Variants in RFTN2 observed in about 807,000 individuals in gnomAD.
The protein encoded by RFTN2 is raftlin family member 2, also known as raftlin-2.
In RFTN2, 34 loss-of-function variants were observed where a neutral mutation model predicts 52.7. The ratio of observed to expected loss-of-function variants is 0.64; its 90% confidence interval spans 0.49 to 0.86. RFTN2 has a LOEUF of 0.86. RFTN2 is among the 40% of genes least tolerant of loss of function. The pLI is 0.00. For missense variants in RFTN2, 536 were observed against 600.1 expected (o/e 0.89, Z 1.12); for synonymous variants, 203 against 217.7 (o/e 0.93, Z 0.59).
Position 197,646,514 on chromosome 2 carries a change from A to G in RFTN2, c.292T>C (p.Tyr98His), listed in dbSNP as rs368848558. Residue 98 changes from tyrosine to histidine, a missense_variant, in exon 2 of 9, where the codon TAC becomes CAC. Transcript: ENST00000295049. ...TTCAAGCGCAATAGCACCACTCTGT[A>G]TAGGTAACTTGCAGGTAGGTGTTTT... ...QRKHLPASYL[Y>H]RVVLLRLKLS... is the part of the protein sequence containing the mutation. The G allele has an allele frequency of 4.3e-6, 7 of 1,614,002 alleles. No individual in the cohort carries two copies. The highest frequency in any genetic ancestry group is 4.2e-6 in the Non-Finnish European group (5 of 1,180,020).
chr2:197,590,948 C>T (rs2087700988), intron 8 of RFTN2, among the ~76,000 whole-genome samples: 1 of 152,200 alleles, frequency 6.6e-6, no homozygotes, highest in Non-Finnish European at 1.5e-5. Context: ...AAGACGAGCC[C>T]AGCAGGTTGC....
chr2:197,633,108 AAACT>A (rs1188567467), intron 4 of RFTN2, among the ~76,000 whole-genome samples: 2 of 152,188 alleles, frequency 1.3e-5, no homozygotes, highest in African/African-American at 4.8e-5. Context: ...AGGTATCAGA[AAACT>A]TTGAATGGTC....
intron 1 of RFTN2, among the ~76,000 whole-genome samples, chr2:197,654,107 G>T (rs1169283423): frequency 6.6e-6 from 1 of 152,224 alleles, no homozygotes; most frequent in Non-Finnish European, 1.5e-5. Flanking sequence ...GGAAAATTAG[G>T]CTGGGCATGG....
chr2:197,656,954 A>G (rs1045851640), intron 1 of RFTN2, among the ~76,000 whole-genome samples: 17 of 152,126 alleles, frequency 1.1e-4, no homozygotes, highest in African/African-American at 3.6e-4. Flanking sequence ...CAAAGAGTGC[A>G]CCATCCCTGG....
At chr2:197,619,750 A>T (rs182559943) in intron 5 of RFTN2, among the ~76,000 whole-genome samples, 2,214 of 144,542 alleles carry the variant, frequency 0.015, 34 homozygotes, top group African/African-American at 0.038. Flanking sequence ...TAAAAAAAAA[A>T]AATAATAATA....
chr2:197,626,997 A>G (rs1005902761), intron 5 of RFTN2, among the ~76,000 whole-genome samples: 4 of 152,230 alleles, frequency 2.6e-5, no homozygotes, highest in African/African-American at 9.6e-5. Flanking sequence ...ACGCTGGTGT[A>G]TAGCAAGTAC....
chr2:197,627,960 T>C (rs767129931), intron 5 of RFTN2, among the ~76,000 whole-genome samples: 1 of 146,710 alleles, frequency 6.8e-6, no homozygotes, highest in Non-Finnish European at 1.5e-5. Flanking sequence ...CTGAGCGCTG[T>C]CTGGTTTTGT....
In RFTN2 at chr2:197,570,182, C is replaced by T. The variant is rs1302892322; in HGVS notation, c.*1826G>A. The T allele has an allele frequency of 6.6e-6, 1 of 152,060 alleles. No homozygotes were observed. The highest frequency in any genetic ancestry group is 1.5e-5 in the Non-Finnish European group (1 of 68,022). The allele number at this position is 152,060 out of a possible 1,614,324, so 9.4% of individuals were successfully genotyped here. A position where few individuals can be genotyped will look rare whatever the true frequency, so the allele number is the denominator to read the frequency against. ...GCAGTGATTGTTTCTACCAAAAATC[C>T]ACTAACTCTTGATTATGGAACTCAA... On this transcript the variant is annotated 3_prime_UTR_variant, in exon 9 of 9. Coordinates refer to ENST00000295049, the MANE Select transcript of RFTN2 (RefSeq NM_144629.3).
rs2087446925 is a variant in RFTN2, at chr2:197,578,049, T to C, written c.1234-5769A>G. Among the ~76,000 whole-genome samples the C allele has an allele frequency of 2.0e-5, 3 of 152,298 alleles. No homozygotes were observed. In the South Asian group the frequency reaches 6.2e-4, roughly 32 times the overall value. ...ATTCATTCTTGAATGATGCTCTCAA[T>C]GCTCTCAACACTGACAGAATCAAAA... is the stretch of plus-strand genomic sequence containing the variant. On this transcript the variant is annotated intron_variant, in intron 8 of 8. Transcript: ENST00000295049.
At chr2:197,598,934 C>G (rs1405515432) in intron 7 of RFTN2, among the ~76,000 whole-genome samples, 2 of 151,888 alleles carry the variant, frequency 1.3e-5, no homozygotes, top group South Asian at 2.1e-4. Flanking sequence ...TCCTTGATGT[C>G]TATTTTACCA....
Position 197,669,386 on chromosome 2 carries a change from T to G in RFTN2, c.139+5934A>C, listed in dbSNP as rs552134610. ...CACTTCCTATTCAGCCTTTTTTTTT[T>G]TCAAATTTTTTTGGGGTTGGGGTGA... On this transcript the variant is annotated intron_variant, in intron 1 of 8. Transcript: ENST00000295049. Among the ~76,000 whole-genome samples, 9 of 152,262 alleles carry G rather than the reference T, an allele frequency of 5.9e-5. No individual in the cohort carries two copies. In the East Asian group the frequency reaches 1.7e-3, roughly 29 times the overall value.
At chr2:197,611,411 T>C (rs897352344) in intron 7 of RFTN2, among the ~76,000 whole-genome samples, 3 of 152,202 alleles carry the variant, frequency 2.0e-5, no homozygotes, top group African/African-American at 7.2e-5. Context: ...GAGGCGTTTA[T>C]AGTATTCTCT....
At position 197,661,078 on chromosome 2, in the gene RFTN2, T is replaced by C. The variant is rs530099583; in HGVS notation, c.139+14242A>G. On this transcript the variant is annotated intron_variant, in intron 1 of 8. Transcript: ENST00000295049. ...CTTCCCAGCCTTTGGTCACCATCAT[T>C]TAACTCTCTACCTGTATGAGATCAA... Among the ~76,000 whole-genome samples the C allele has an allele frequency of 2.0e-5, 3 of 152,258 alleles. No individual in the cohort carries two copies. In the South Asian group the frequency reaches 6.2e-4, roughly 32 times the overall value.
At chr2:197,579,157 C>T (rs2087465616) in intron 8 of RFTN2, among the ~76,000 whole-genome samples, 1 of 152,214 alleles carries the variant, frequency 6.6e-6, no homozygotes. Flanking sequence ...AGACACCTGT[C>T]TGATTATTCA....
chr2:197,584,970 G>C (rs1194145459), intron 8 of RFTN2, among the ~76,000 whole-genome samples: 1 of 152,108 alleles, frequency 6.6e-6, no homozygotes, highest in Non-Finnish European at 1.5e-5. Context: ...CTACAACCTT[G>C]ATGGACTGGA....
At chr2:197,637,316 T>C (rs1235603930) in intron 3 of RFTN2, among the ~76,000 whole-genome samples, 3 of 152,226 alleles carry the variant, frequency 2.0e-5, no homozygotes, top group Non-Finnish European at 4.4e-5. Context: ...GAAGGAATGG[T>C]ACCAGTTGTT....
chr2:197,640,231 G>A (rs1312700149), intron 3 of RFTN2, among the ~76,000 whole-genome samples: 1 of 152,184 alleles, frequency 6.6e-6, no homozygotes, highest in Non-Finnish European at 1.5e-5. Flanking sequence ...TACAGAGGCA[G>A]GCAGGCCTCC....
intron 8 of RFTN2, among the ~76,000 whole-genome samples, chr2:197,581,103 A>G (rs2087500839): frequency 1.3e-5 from 2 of 152,088 alleles, no homozygotes; most frequent in African/African-American, 2.4e-5. Flanking sequence ...CAATGCCACT[A>G]TCCCATCCCA....
intron 5 of RFTN2, among the ~76,000 whole-genome samples, chr2:197,619,708 C>G (rs1338462116): frequency 6.8e-6 from 1 of 148,130 alleles, no homozygotes; most frequent in Non-Finnish European, 1.5e-5. Context: ...TGCCAAATCC[C>G]CCTCTGCGAG....
Sources: gnomAD v4.1 joint callset for allele counts (sites outside exome capture counted in the v4.1 genomes callset) on GRCh38, gnomAD v4.1.1 for gene constraint, MANE v1.5 for transcripts, NCBI Gene and HGNC (gene_info 2026-07-23, HGNC 2026-07-21) for gene names.